HDAC9: variants seen among roughly 807,000 people sequenced by gnomAD.
HDAC9 encodes the protein histone deacetylase 9, also known as MEF-2 interacting transcription repressor (MITR) protein.
In HDAC9, 41 loss-of-function variants were observed where a neutral mutation model predicts 139.4. The observed-to-expected ratio is 0.29, with a 90% CI of 0.23 to 0.38. The LOEUF (loss-of-function observed/expected upper bound fraction) is 0.38, where lower values mean the gene tolerates loss of function less well. HDAC9 is among the 10% of genes least tolerant of loss of function. The pLI is 1.00. For missense variants in HDAC9, 1,147 were observed against 1,297.0 expected (o/e 0.88, Z 1.78); for synonymous variants, 517 against 476.2 (o/e 1.09, Z -1.12).
intron 1 of HDAC9, among the ~76,000 whole-genome samples, chr7:18,431,056 TGTCCTGTCCA>T (rs1266187684): frequency 2.9e-4 from 29 of 100,150 alleles, no homozygotes; most frequent in East Asian, 2.2e-3. Context: ...TGTCCTGTCC[TGTCCTGTCCA>T]GTCCAGTCCT....
At chr7:18,849,308 C>G (rs1267324810) in intron 21 of HDAC9, among the ~76,000 whole-genome samples, 2 of 152,034 alleles carry the variant, frequency 1.3e-5, no homozygotes, top group Admixed American at 1.3e-4. Flanking sequence ...ATAACACACC[C>G]TAAAGACAAA....
chr7:18,958,462 C>A lies in HDAC9; in HGVS notation c.3022+4232C>A, dbSNP rs558695004. ...CACCATAGCCAAGAGATGGGAGCAA[C>A]CTGAGTGTCCATCAGTGGATGAGTG... is the stretch of plus-strand genomic sequence containing the variant. On this transcript the variant is annotated intron_variant, in intron 24 of 25. Transcript: ENST00000686413. Among the ~76,000 whole-genome samples, 114 of 152,212 alleles carry A rather than the reference C, an allele frequency of 7.5e-4. 1 individual carries two copies. Among genetic ancestry groups the A allele is most frequent in the African/African-American group, 2.6e-3 (106 of 41,548 alleles).
At chr7:18,703,523 C>T in intron 12 of HDAC9, among the ~76,000 whole-genome samples, 1 of 152,182 alleles carries the variant, frequency 6.6e-6, no homozygotes, top group Admixed American at 6.5e-5. Flanking sequence ...GTTTGCACTT[C>T]TGTCTGACTT....
intron 22 of HDAC9, among the ~76,000 whole-genome samples, chr7:18,902,085 G>C (rs1413936322): frequency 5.3e-5 from 8 of 152,320 alleles, no homozygotes; most frequent in Non-Finnish European, 1.0e-4. Flanking sequence ...GGCAACTGTT[G>C]CTGGAGGCTG....
intron 21 of HDAC9, among the ~76,000 whole-genome samples, chr7:18,845,477 T>A (rs1796844300): frequency 6.6e-6 from 1 of 152,216 alleles, no homozygotes; most frequent in Non-Finnish European, 1.5e-5. Flanking sequence ...AATACCCACA[T>A]GTTCTCCTTT....
chr7:18,742,001 A>C (rs1787505778), intron 13 of HDAC9, among the ~76,000 whole-genome samples: 1 of 152,226 alleles, frequency 6.6e-6, no homozygotes, highest in Non-Finnish European at 1.5e-5. Flanking sequence ...GGGGTTGAGC[A>C]AGAAAAATGT....
chr7:18,645,019 A>G (rs1444749575), intron 9 of HDAC9, among the ~76,000 whole-genome samples: 7 of 152,138 alleles, frequency 4.6e-5, no homozygotes, highest in Non-Finnish European at 8.8e-5. Context: ...TAACATTTGT[A>G]TAATGGTTTA....
At chr7:18,687,962 A>G (rs1782395776) in intron 12 of HDAC9, among the ~76,000 whole-genome samples, 1 of 151,800 alleles carries the variant, frequency 6.6e-6, no homozygotes, top group African/African-American at 2.4e-5. Context: ...TCCCTAATGT[A>G]ATGTGTGAAG....
At chr7:18,317,244 T>C (rs922658600) in intron 1 of HDAC9, among the ~76,000 whole-genome samples, 1 of 151,810 alleles carries the variant, frequency 6.6e-6, no homozygotes, top group South Asian at 2.1e-4. Flanking sequence ...TTCAGCCATA[T>C]TAAAAGACTC....
chr7:18,408,973 C>A (rs1181914929), intron 1 of HDAC9, among the ~76,000 whole-genome samples: 2 of 152,126 alleles, frequency 1.3e-5, no homozygotes, highest in Admixed American at 1.3e-4. Context: ...ATAATCAAAT[C>A]CGTTTTTAGA....
intron 1 of HDAC9, among the ~76,000 whole-genome samples, chr7:18,146,614 G>A (rs10239694): frequency 0.15 from 22,392 of 152,080 alleles, 2,795 homozygotes; most frequent in African/African-American, 0.34. Flanking sequence ...GCAACAACGG[G>A]CTGCAGAAAC....
At chr7:18,690,524 T>A (rs1364292182) in intron 12 of HDAC9, among the ~76,000 whole-genome samples, 9 of 152,044 alleles carry the variant, frequency 5.9e-5, no homozygotes, top group Admixed American at 5.3e-4. Flanking sequence ...ACAATCTATG[T>A]CCCTGTTTCT....
At chr7:18,922,890 C>G (rs895167486) in intron 22 of HDAC9, among the ~76,000 whole-genome samples, 2 of 151,994 alleles carry the variant, frequency 1.3e-5, no homozygotes, top group African/African-American at 4.8e-5. Context: ...TAATAAAAAT[C>G]GACAAATGTC....
At chr7:18,594,068 AAC>A in intron 6 of HDAC9, 39 bp downstream of exon 6, 1 of 1,608,334 alleles carries the variant, frequency 6.2e-7, no homozygotes, top group Non-Finnish European at 8.5e-7. Flanking sequence ...GCTCTTCTGT[AAC>A]ACACCTGTAA....
chr7:18,889,447 A>C (rs1800478017), intron 22 of HDAC9, among the ~76,000 whole-genome samples: 1 of 152,112 alleles, frequency 6.6e-6, no homozygotes, highest in Non-Finnish European at 1.5e-5. Flanking sequence ...GATTTAAAAA[A>C]AAATGATCTA....
At chr7:18,481,287 T>G (rs1045031793) in intron 1 of HDAC9, among the ~76,000 whole-genome samples, 5 of 152,234 alleles carry the variant, frequency 3.3e-5, no homozygotes, top group Admixed American at 3.3e-4. Context: ...TCCCATCATC[T>G]CATAAACTTG....
Position 18,156,007 on chromosome 7 carries a change from A to C in HDAC9, c.-96-6222A>C, listed in dbSNP as rs116176135. 3.8e-3 allele frequency among the ~76,000 whole-genome samples: 585 copies of C among 152,244 alleles called. 6 individuals carry two copies. Among genetic ancestry groups the C allele is most frequent in the African/African-American group, 0.014 (564 of 41,540 alleles). ...CAGAGTCCTAGACTCTCATCATTCT[A>C]TTCCTCAGGACAACATAAATATTAT... On this transcript the variant is annotated intron_variant, in intron 1 of 12. Coordinates refer to the HDAC9 transcript ENST00000417496.
At chr7:18,187,963 A>G (rs1790044166) in intron 2 of HDAC9, among the ~76,000 whole-genome samples, 1 of 152,202 alleles carries the variant, frequency 6.6e-6, no homozygotes, top group South Asian at 2.1e-4. Context: ...CCATCAAAAT[A>G]CCATTGACAT....
intron 2 of HDAC9, among the ~76,000 whole-genome samples, chr7:18,182,427 G>A (rs1789522967): frequency 6.6e-6 from 1 of 152,164 alleles, no homozygotes; most frequent in Admixed American, 6.5e-5. Context: ...GCCAATATGT[G>A]ATGACTGACG....
Sources: allele counts gnomAD v4.1 joint callset (sites outside exome capture counted in the v4.1 genomes callset), GRCh38; gene constraint gnomAD v4.1.1; transcripts MANE v1.5; gene names NCBI Gene and HGNC (gene_info 2026-07-23, HGNC 2026-07-21).